ADAT1: variants seen among roughly 807,000 people sequenced by gnomAD.
ADAT1 encodes tRNA-specific adenosine deaminase 1.
Under a neutral mutation model 58.6 loss-of-function variants are expected in ADAT1, and 58 were observed. The observed-to-expected ratio is 0.99, with a 90% CI of 0.80 to 1.23. The LOEUF is 1.23. Among genes scored for constraint, ADAT1 ranks in the 50% most tolerant of loss-of-function variants. The pLI is 0.00. For missense variants in ADAT1, 741 were observed against 608.6 expected (o/e 1.22, Z -2.29); for synonymous variants, 254 against 220.8 (o/e 1.15, Z -1.33).
intron 6 of ADAT1, among the ~76,000 whole-genome samples, chr16:75,610,233 TTTGTTTA>T (rs1331236871): frequency 6.6e-6 from 1 of 152,228 alleles, no homozygotes; most frequent in Non-Finnish European, 1.5e-5. Flanking sequence ...CATTTGTCTT[TTTGTTTA>T]TTATGAATAA....
chr16:75,620,683 C>G lies in ADAT1; in HGVS notation c.117G>C (p.Lys39Asn), dbSNP rs2081905003. 6.2e-7 allele frequency: 1 copy of G among 1,614,040 alleles called. No individual in the cohort carries two copies. Among genetic ancestry groups the G allele is most frequent in the Non-Finnish European group, 8.5e-7 (1 of 1,180,028 alleles). The change falls in exon 2 of 10, where the codon AAG becomes AAC. Residue 39 changes from lysine to asparagine, a missense_variant. By Grantham distance (94) the Lys-to-Asn change is moderately conservative. Coordinates refer to ENST00000564657, the MANE Select transcript of ADAT1 (RefSeq NM_001324445.2). The stretch of plus-strand genomic sequence containing the variant: ...AGGCCTTGTCAGCTGGAGATTGTAT[C>G]TTCACCACCGCTGCCAATAATGTCC... Reference protein sequence around the residue: ...HEWTLLAAVVKIQSPADKACD... With the variant: ...HEWTLLAAVVNIQSPADKACD...
At position 75,600,061 on chromosome 16, in the gene ADAT1, T is replaced by G. The variant is rs925553479; in HGVS notation, c.*155A>C. 12 of 1,487,102 alleles carry G rather than the reference T, an allele frequency of 8.1e-6. No homozygotes were observed. In the African/African-American group the frequency reaches 1.3e-4, roughly 16 times the overall value. The allele number at this position is 1,487,102 out of a possible 1,614,324, so 92.1% of individuals were successfully genotyped here. Reference sequence around the variant, plus strand: ...GCTACTTCAATCAAGTATAGCTTGCTCTAAGTTCCAGATTCCATCTGTATT... The same window carrying G: ...GCTACTTCAATCAAGTATAGCTTGCGCTAAGTTCCAGATTCCATCTGTATT... On this transcript the variant is annotated 3_prime_UTR_variant, in exon 10 of 10. Coordinates refer to ENST00000564657, the MANE Select transcript of ADAT1 (RefSeq NM_001324445.2).
intron 5 of ADAT1, among the ~76,000 whole-genome samples, chr16:75,615,432 T>A (rs1275834608): frequency 7.5e-6 from 1 of 133,160 alleles, no homozygotes; most frequent in East Asian, 2.0e-4. Context: ...ATAAAAATTG[T>A]CTTGGGCCAC....
Position 75,620,306 on chromosome 16 carries a change from T to TGTTCCC in ADAT1, c.192_197dup (p.Gly67_Thr68dup). 6.2e-7 allele frequency: 1 copy of TGTTCCC among 1,614,230 alleles called. No individual in the cohort carries two copies. Among genetic ancestry groups the TGTTCCC allele is most frequent in the Non-Finnish European group, 8.5e-7 (1 of 1,180,022 alleles). On this transcript the variant is annotated inframe_insertion, in exon 3 of 10. Coordinates refer to ENST00000564657, the MANE Select transcript of ADAT1 (RefSeq NM_001324445.2). ...TGGACTGTCCTATGCATTTTGTTCCTGTTCCCATTGACACAACTTCCTTTG... is the reference window on the plus strand; with the variant it reads ...TGGACTGTCCTATGCATTTTGTTCCTGTTCCCGTTCCCATTGACACAACTTCCTTTG...
chr16:75,612,014 C>T (rs764812190), intron 6 of ADAT1, among the ~76,000 whole-genome samples: 19 of 152,054 alleles, frequency 1.2e-4, no homozygotes, highest in African/African-American at 1.9e-4. Flanking sequence ...GCCCAGAGCA[C>T]GCCATTGCAC....
At chr16:75,603,250 A>G in intron 8 of ADAT1, 79 bp from the exon 9 acceptor site, 1 of 1,323,446 alleles carries the variant, frequency 7.6e-7, no homozygotes, top group East Asian at 2.3e-5. Flanking sequence ...GCCAGGCTTC[A>G]TGTGGTTTTT....
chr16:75,608,346 G>A (rs752063185), intron 7 of ADAT1, 23 bp from the exon 8 acceptor site: 10 of 1,568,532 alleles, frequency 6.4e-6, no homozygotes, highest in South Asian at 1.1e-5. Context: ...AAGATTCTAG[G>A]GTTAAAACTG....
intron 9 of ADAT1, among the ~76,000 whole-genome samples, chr16:75,600,646 G>A (rs770314019): frequency 6.6e-6 from 1 of 152,178 alleles, no homozygotes; most frequent in Non-Finnish European, 1.5e-5. Flanking sequence ...AACAGCTACT[G>A]AACCAACCTG....
intron 3 of ADAT1, chr16:75,619,790 G>A: frequency 2.8e-6 from 1 of 355,180 alleles, no homozygotes. Flanking sequence ...GGTGCCTGCT[G>A]AGGCAGGAGA....
rs1017717902 is a variant in ADAT1 at position 75,622,829 on chromosome 16, G to C, written c.-448C>G. On this transcript the variant is annotated 5_prime_UTR_variant, in exon 1 of 10. Transcript: ENST00000564657. ...GAAAAGGAAGTCGGCTGCCAGGGGA[G>C]AAAAGGCTTCAGCGATGCTTGGAGG... The C allele has an allele frequency of 3.9e-5, 6 of 152,230 alleles. No homozygotes were observed. Among genetic ancestry groups the C allele is most frequent in the Non-Finnish European group, 8.8e-5 (6 of 68,052 alleles). The allele number at this position is 152,230 out of a possible 1,614,324, so 9.4% of individuals were successfully genotyped here. A position where few individuals can be genotyped will look rare whatever the true frequency, so the allele number is the denominator to read the frequency against.
intron 6 of ADAT1, among the ~76,000 whole-genome samples, chr16:75,609,297 G>C (rs2081455068): frequency 6.6e-6 from 1 of 152,090 alleles, no homozygotes; most frequent in Non-Finnish European, 1.5e-5. Flanking sequence ...TTAATGTGTT[G>C]GCACCTGCTT....
intron 8 of ADAT1, among the ~76,000 whole-genome samples, chr16:75,605,065 G>A (rs560307637): frequency 1.3e-5 from 2 of 152,158 alleles, no homozygotes; most frequent in African/African-American, 2.4e-5. Context: ...ATGAATAAAT[G>A]TATTTTCTAT....
chr16:75,603,323 T>A, intron 8 of ADAT1, 152 bp from the exon 9 acceptor site: 1 of 648,046 alleles, frequency 1.5e-6, no homozygotes, highest in South Asian at 1.8e-5. Flanking sequence ...AATCCAGACC[T>A]GGATGTCTGA....
At chr16:75,603,674 G>A (rs1025837873) in intron 8 of ADAT1, among the ~76,000 whole-genome samples, 6 of 151,870 alleles carry the variant, frequency 4.0e-5, no homozygotes, top group African/African-American at 1.5e-4. Flanking sequence ...ACAAAATTCT[G>A]GGTGGAGGTC....
intron 6 of ADAT1, among the ~76,000 whole-genome samples, chr16:75,609,408 G>A (rs2081458506): frequency 6.6e-6 from 1 of 152,038 alleles, no homozygotes; most frequent in African/African-American, 2.4e-5. Flanking sequence ...ATGCCAACAT[G>A]ATGCTGGTCT....
At chr16:75,615,907 G>A (rs1161961196) in intron 5 of ADAT1, among the ~76,000 whole-genome samples, 1 of 152,112 alleles carries the variant, frequency 6.6e-6, no homozygotes, top group Non-Finnish European at 1.5e-5. Flanking sequence ...GGGCCCTTAC[G>A]GCTAAGAAAA....
rs139463452 is a variant in ADAT1, at chr16:75,610,364, C to T, written c.1044-1376G>A. Among the ~76,000 whole-genome samples the T allele has an allele frequency of 1.6e-3, 243 of 151,400 alleles. 1 individual carries two copies. The highest frequency in any genetic ancestry group is 5.3e-3 in the African/African-American group (220 of 41,234). Reference sequence around the variant, plus strand: ...AGGATGGAGTGCAGTGGTGAAATCACGGTTCACTGCAGCCTCAACATCCCG... The same window carrying T: ...AGGATGGAGTGCAGTGGTGAAATCATGGTTCACTGCAGCCTCAACATCCCG... On this transcript the variant is annotated intron_variant, in intron 6 of 9. Coordinates refer to ENST00000564657, the MANE Select transcript of ADAT1 (RefSeq NM_001324445.2).
Position 75,612,264 on chromosome 16 carries a change from A to T in ADAT1, c.1022T>A (p.Met341Lys). 6.2e-7 allele frequency: 1 copy of T among 1,614,094 alleles called. No individual in the cohort carries two copies. The highest frequency in any genetic ancestry group is 8.5e-7 in the Non-Finnish European group (1 of 1,179,990). ...TCACCTTCCAATCAGTGCTCTCTGC[A>T]TGGCTTCCTGGCTGTATGGGCACTT... ...IGKCPYSQEA[M>K]QRALIGRCQN... Residue 341 changes from methionine (M) to lysine (K), a missense_variant, in exon 6 of 10, where the codon ATG becomes AAG. Transcript: ENST00000564657.
chr16:75,610,948 CA>C (rs943568312), intron 6 of ADAT1, among the ~76,000 whole-genome samples: 1 of 151,950 alleles, frequency 6.6e-6, no homozygotes, highest in African/African-American at 2.4e-5. Context: ...CCCGTCTCCA[CA>C]AAAAAAATTT....
Sources: gnomAD v4.1 joint callset for allele counts (sites outside exome capture counted in the v4.1 genomes callset) on GRCh38, gnomAD v4.1.1 for gene constraint, MANE v1.5 for transcripts, NCBI Gene and HGNC (gene_info 2026-07-23, HGNC 2026-07-21) for gene names.